The following CNBD1 variants were observed in gnomAD, a reference collection of about 807,000 sequenced individuals.
CNBD1 encodes cyclic nucleotide binding domain containing 1.
CNBD1 carries 71 observed loss-of-function variants against 54.4 expected under a neutral mutation model. The ratio of observed to expected loss-of-function variants is 1.30; its 90% CI spans 1.08 to 1.59. The LOEUF is 1.59. Ranked by LOEUF, CNBD1 falls within the 40% of genes most tolerant of loss-of-function variation. CNBD1 has a pLI of 0.00. For synonymous variants in CNBD1, 182 were observed against 170.7 expected, an observed-to-expected ratio of 1.07 and a Z score of -0.51; for missense variants, 659 against 518.0, an observed-to-expected ratio of 1.27 and a Z score of -2.64.
chr8:87,261,774 G>T (rs1808144392), intron 6 of CNBD1, among the ~76,000 whole-genome samples: 1 of 152,028 alleles, frequency 6.6e-6, no homozygotes. Context: ...CATCCACAGG[G>T]ACTCAAATAT....
intron 4 of CNBD1, among the ~76,000 whole-genome samples, chr8:86,951,675 T>C (rs1229013111): frequency 6.7e-6 from 1 of 148,712 alleles, no homozygotes; most frequent in African/African-American, 2.5e-5. Flanking sequence ...TTTAATTTTA[T>C]AGAACAACAA....
At chr8:87,331,649 C>T (rs1042491899) in intron 8 of CNBD1, among the ~76,000 whole-genome samples, 5 of 152,282 alleles carry the variant, frequency 3.3e-5, no homozygotes, top group Admixed American at 3.3e-4. Flanking sequence ...CTGTCTTCCA[C>T]AATGGTTGAA....
At chr8:87,384,259 A>C (rs1043216418), downstream of CNBD1, among the ~76,000 whole-genome samples, 1 of 152,124 alleles carries the variant, frequency 6.6e-6, no homozygotes, top group Admixed American at 6.6e-5. Flanking sequence ...TCATCTTTCA[A>C]CAGACATTTA....
At chr8:86,960,339 C>T (rs1051170944) in intron 4 of CNBD1, among the ~76,000 whole-genome samples, 1 of 152,140 alleles carries the variant, frequency 6.6e-6, no homozygotes, top group African/African-American at 2.4e-5. Context: ...AGATTATATC[C>T]CGCTCCTGGC....
chr8:87,280,426 A>G (rs1194603220), intron 6 of CNBD1, among the ~76,000 whole-genome samples: 2 of 151,630 alleles, frequency 1.3e-5, no homozygotes, highest in African/African-American at 4.8e-5. Flanking sequence ...ATAATATATT[A>G]GAAGTTCAAG....
downstream of CNBD1, among the ~76,000 whole-genome samples, chr8:87,385,570 A>T (rs1811165980): frequency 6.6e-6 from 1 of 151,792 alleles, no homozygotes; most frequent in Non-Finnish European, 1.5e-5. Flanking sequence ...AGGCTGGGGG[A>T]GGGGCGCCCA....
chr8:87,293,170 C>A (rs1808816726), intron 8 of CNBD1, among the ~76,000 whole-genome samples: 1 of 152,000 alleles, frequency 6.6e-6, no homozygotes. Context: ...AAATTTGTCT[C>A]TTCATATTTT....
chr8:87,085,031 A>C (rs530689631), intron 4 of CNBD1, among the ~76,000 whole-genome samples: 3 of 152,192 alleles, frequency 2.0e-5, no homozygotes, highest in African/African-American at 7.2e-5. Context: ...AGCCTTTTAA[A>C]TGTGTACTTT....
chr8:86,961,713 A>G (rs1807933094), intron 4 of CNBD1, among the ~76,000 whole-genome samples: 1 of 152,196 alleles, frequency 6.6e-6, no homozygotes, highest in Non-Finnish European at 1.5e-5. Flanking sequence ...GCCTACCACG[A>G]TCTTTGTAAG....
At chr8:87,266,799 G>A (rs901992368) in intron 6 of CNBD1, among the ~76,000 whole-genome samples, 4 of 151,994 alleles carry the variant, frequency 2.6e-5, no homozygotes, top group Admixed American at 6.6e-5. Context: ...AGTGAGTAAT[G>A]TGGGTTCATT....
At chr8:87,344,869 G>C (rs912264728) in intron 8 of CNBD1, among the ~76,000 whole-genome samples, 1 of 152,092 alleles carries the variant, frequency 6.6e-6, no homozygotes, top group African/African-American at 2.4e-5. Flanking sequence ...TAGTTAGGCA[G>C]TGTTAGGATG....
At chr8:87,358,720 T>C (rs1414442127) in intron 10 of CNBD1, among the ~76,000 whole-genome samples, 1 of 152,150 alleles carries the variant, frequency 6.6e-6, no homozygotes, top group Non-Finnish European at 1.5e-5. Flanking sequence ...AGGTTGTGTC[T>C]GAAGGTCTGA....
chr8:86,879,869 CAA>C (rs34026034), intron 1 of CNBD1, among the ~76,000 whole-genome samples: 3 of 148,966 alleles, frequency 2.0e-5, no homozygotes, highest in East Asian at 4.0e-4. Context: ...GAGAGTCCGT[CAA>C]AAAAAAAAGG....
intron 2 of CNBD1, among the ~76,000 whole-genome samples, chr8:87,425,222 C>G (rs1158715838): frequency 2.0e-5 from 3 of 152,090 alleles, no homozygotes; most frequent in Non-Finnish European, 4.4e-5. Flanking sequence ...ATACATTCTT[C>G]TAAATTTTTT....
intron 4 of CNBD1, among the ~76,000 whole-genome samples, chr8:87,106,704 T>C (rs1811545286): frequency 6.6e-6 from 1 of 152,208 alleles, no homozygotes; most frequent in African/African-American, 2.4e-5. Context: ...AAACCACACT[T>C]AACTATGTTT....
chr8:87,289,279 A>C (rs534877488), intron 8 of CNBD1, among the ~76,000 whole-genome samples: 1 of 152,062 alleles, frequency 6.6e-6, no homozygotes, highest in African/African-American at 2.4e-5. Flanking sequence ...ATCTGACTCT[A>C]TTTGCTTTGT....
chr8:87,025,125 AC>A (rs1247847405), intron 4 of CNBD1, among the ~76,000 whole-genome samples: 6 of 152,230 alleles, frequency 3.9e-5, no homozygotes, highest in Admixed American at 3.9e-4. Flanking sequence ...TTGTAAATGC[AC>A]CAATCAGCGC....
intron 5 of CNBD1, among the ~76,000 whole-genome samples, chr8:87,225,671 T>A (rs1032113414): frequency 9.8e-5 from 15 of 152,330 alleles, no homozygotes; most frequent in African/African-American, 3.6e-4. Context: ...TTTGCATCAA[T>A]GTTCATCAAG....
chr8:86,889,676 G>A (rs1808736518), intron 2 of CNBD1, among the ~76,000 whole-genome samples: 1 of 151,994 alleles, frequency 6.6e-6, no homozygotes, highest in Non-Finnish European at 1.5e-5. Flanking sequence ...AACAAAGGGG[G>A]GATGATATCA....
Sources: gnomAD v4.1 joint callset for allele counts (sites outside exome capture counted in the v4.1 genomes callset) on GRCh38, gnomAD v4.1.1 for gene constraint, MANE v1.5 for transcripts, NCBI Gene and HGNC (gene_info 2026-07-23, HGNC 2026-07-21) for gene names.